GRM2: variants seen among roughly 807,000 people sequenced by gnomAD.
The protein encoded by GRM2 is glutamate metabotropic receptor 2, also known as metabotropic glutamate receptor 2.
Under a neutral mutation model 60.4 loss-of-function variants are expected in GRM2, and 35 were observed. The ratio of observed to expected loss-of-function variants is 0.58; its 90% CI spans 0.44 to 0.77. The LOEUF is 0.77. Among genes scored for constraint, GRM2 ranks in the 30% least tolerant of loss-of-function variants. The pLI is 0.00. For missense variants in GRM2, 925 were observed against 1,199.5 expected (o/e 0.77, Z 3.38); for synonymous variants, 437 against 484.1 (o/e 0.90, Z 1.28).
chr3:51,709,284 C>G lies in GRM2; in HGVS notation c.301C>G (p.Gln101Glu), dbSNP rs1214262858. 6.2e-7 allele frequency: 1 copy of G among 1,604,522 alleles called. No individual in the cohort carries two copies. Among genetic ancestry groups the G allele is most frequent in the African/African-American group, 1.3e-5 (1 of 74,782 alleles). ...SCSKDTHALEQALDFVRASLS... is the reference protein window; with the variant it reads ...SCSKDTHALEEALDFVRASLS... ...CTCCAAGGACACACATGCGCTGGAGCAGGCACTGGACTTTGTGCGTGCCTC... is the reference window on the plus strand; with the variant it reads ...CTCCAAGGACACACATGCGCTGGAGGAGGCACTGGACTTTGTGCGTGCCTC... The change falls in exon 2 of 6, where the codon CAG becomes GAG. Residue 101 changes from glutamine to glutamate, a missense_variant. Gln to Glu is a conservative substitution (Grantham distance 29). Coordinates refer to ENST00000395052, the MANE Select transcript of GRM2 (RefSeq NM_000839.5).
rs571757645 is a variant in GRM2 at position 51,717,037 on chromosome 3, C to T, written c.2365-600C>T. Among the ~76,000 whole-genome samples the T allele has an allele frequency of 2.8e-4, 42 of 152,146 alleles. No homozygotes were observed. Among genetic ancestry groups the T allele is most frequent in the African/African-American group, 1.0e-3 (42 of 41,486 alleles). On this transcript the variant is annotated intron_variant, in intron 4 of 5. Coordinates refer to ENST00000395052, the MANE Select transcript of GRM2 (RefSeq NM_000839.5). The surrounding 1 kb of genome is among the most constrained non-coding windows in gnomAD (Gnocchi z 6.0). Reference sequence around the variant, plus strand: ...AGGGATTCTGCTCTGACTCAGCCTGCATTTGCATATGATTTGCATTTGCAT... The same window carrying T: ...AGGGATTCTGCTCTGACTCAGCCTGTATTTGCATATGATTTGCATTTGCAT...
Position 51,713,180 on chromosome 3 carries a change from C to A in GRM2, c.1158C>A (p.Tyr386Ter), listed in dbSNP as rs144377567. The A allele has an allele frequency of 1.9e-6, 3 of 1,613,170 alleles. No homozygotes were observed. Among genetic ancestry groups the A allele is most frequent in the East Asian group, 2.2e-5 (1 of 44,890 alleles). ...SKIMFVVNAVYAMAHALHNMH... is the reference protein window; with the variant it reads ...SKIMFVVNAV The stretch of plus-strand genomic sequence containing the variant: ...TCATGTTTGTGGTCAATGCAGTGTA[C>A]GCCATGGCCCATGCGCTCCACAACA... The change falls in exon 3 of 6, where the codon TAC becomes TAA. Residue 386 changes from tyrosine to a stop codon, truncating the protein, a stop_gained. Coordinates refer to ENST00000395052, the MANE Select transcript of GRM2 (RefSeq NM_000839.5). LOFTEE classifies it high-confidence loss of function. This position sits in a 1 kb window ranked among gnomAD's most constrained non-coding sequence, Gnocchi z 4.8.
Position 51,709,095 on chromosome 3 carries a change from T to C in GRM2, c.112T>C (p.Phe38Leu). The C allele has an allele frequency of 6.2e-7, 1 of 1,610,610 alleles. No individual in the cohort carries two copies. The highest frequency in any genetic ancestry group is 8.5e-7 in the Non-Finnish European group (1 of 1,177,686). The change falls in exon 2 of 6, where the codon TTC becomes CTC. Residue 38 changes from phenylalanine (F) to leucine (L), a missense_variant. Phe to Leu is a conservative substitution (Grantham distance 22). Coordinates refer to ENST00000395052, the MANE Select transcript of GRM2 (RefSeq NM_000839.5). ...LEGDLVLGGL[F>L]PVHQKGGPAE... ...GGGAGACTTGGTGCTGGGTGGGCTGTTCCCAGTGCACCAGAAGGGCGGCCC... is the reference window on the plus strand; with the variant it reads ...GGGAGACTTGGTGCTGGGTGGGCTGCTCCCAGTGCACCAGAAGGGCGGCCC...
intron 2 of GRM2, among the ~76,000 whole-genome samples, chr3:51,711,954 G>A (rs1703724379): frequency 6.6e-6 from 1 of 152,240 alleles, no homozygotes; most frequent in South Asian, 2.1e-4. Context: ...GCATTCAATG[G>A]AGACCAAGCC....
rs755306821 is a variant in GRM2, at chr3:51,712,762, G to A, written c.740G>A (p.Arg247His). ...TSEKVGRAMS[R>H]AAFEGVVRAL... ...GAGAAAGTGGGCCGTGCCATGAGCC[G>A]CGCGGCCTTTGAGGGTGTGGTGCGA... is the stretch of plus-strand genomic sequence containing the variant. Residue 247 changes from arginine to histidine, a missense_variant, in exon 3 of 6, where the codon CGC becomes CAC. Transcript: ENST00000395052. The surrounding 1 kb of genome is among the most constrained non-coding windows in gnomAD (Gnocchi z 5.3). 2.3e-5 allele frequency: 37 copies of A among 1,613,256 alleles called. No homozygotes were observed. Among genetic ancestry groups the A allele is most frequent in the Admixed American group, 1.3e-4 (8 of 60,000 alleles).
Position 51,715,341 on chromosome 3 carries a change from T to G in GRM2, c.1568T>G (p.Ile523Ser). The change falls in exon 4 of 6, where the codon ATT becomes AGT. Residue 523 changes from isoleucine (I) to serine (S), a missense_variant. Ile to Ser is a moderately radical substitution (Grantham distance 142). Coordinates refer to ENST00000395052, the MANE Select transcript of GRM2 (RefSeq NM_000839.5). This position sits in a 1 kb window ranked among gnomAD's most constrained non-coding sequence, Gnocchi z 9.0. ...GGCGAAGTCTGCTGCTGGCTCTGCATTCCGTGCCAGCCCTATGAGTACCGA... is the reference window on the plus strand; with the variant it reads ...GGCGAAGTCTGCTGCTGGCTCTGCAGTCCGTGCCAGCCCTATGAGTACCGA... ...QPGEVCCWLC[I>S]PCQPYEYRLD... 1 of 1,613,860 alleles carries G rather than the reference T, an allele frequency of 6.2e-7. No individual in the cohort carries two copies. Among genetic ancestry groups the G allele is most frequent in the South Asian group, 1.1e-5 (1 of 91,066 alleles).
At position 51,717,943 on chromosome 3, in the gene GRM2, G is replaced by C. The variant is rs1559698714; in HGVS notation, c.2546-96G>C. ...ACACTGGCAGGAGAGGACAGGAGAGGGGAGGGGAGGCTTCCCTCACAGCCC... is the reference window on the plus strand; with the variant it reads ...ACACTGGCAGGAGAGGACAGGAGAGCGGAGGGGAGGCTTCCCTCACAGCCC... On this transcript the variant is annotated intron_variant, in intron 5 of 5. Transcript: ENST00000395052. This position sits in a 1 kb window ranked among gnomAD's most constrained non-coding sequence, Gnocchi z 6.0. 20 of 1,432,644 alleles carry C rather than the reference G, an allele frequency of 1.4e-5. No individual in the cohort carries two copies. Among genetic ancestry groups the C allele is most frequent in the Non-Finnish European group, 1.9e-5 (19 of 1,014,988 alleles). 88.7% of individuals were successfully genotyped at this position (1,432,644 alleles called of 1,614,324 possible). A position where few individuals can be genotyped will look rare whatever the true frequency, so the allele number is the denominator to read the frequency against.
chr3:51,712,517 C>G lies in GRM2; in HGVS notation c.495C>G (p.Tyr165Ter). ...TATTTCAGATCCCACAGATTAGCTA[C>G]GCCTCTACCAGTGCCAAGCTGAGTG... ...LRLFQIPQIS[Y>*]ASTSAKLSDK... Residue 165 changes from tyrosine (Y) to a stop codon, truncating the protein, a stop_gained, in exon 3 of 6, where the codon TAC becomes TAG. Transcript: ENST00000395052. LOFTEE classifies it high-confidence loss of function. This position sits in a 1 kb window ranked among gnomAD's most constrained non-coding sequence, Gnocchi z 5.3. 6.2e-7 allele frequency: 1 copy of G among 1,614,048 alleles called. No individual in the cohort carries two copies. The highest frequency in any genetic ancestry group is 8.5e-7 in the Non-Finnish European group (1 of 1,179,972).
At position 51,718,200 on chromosome 3, in the gene GRM2, C is replaced by G. The variant is rs1703973933; in HGVS notation, c.*88C>G. 9.1e-7 allele frequency: 1 copy of G among 1,097,538 alleles called. No individual in the cohort carries two copies. Among genetic ancestry groups the G allele is most frequent in the Non-Finnish European group, 1.4e-6 (1 of 708,514 alleles). 68.0% of individuals were successfully genotyped at this position (1,097,538 alleles called of 1,614,324 possible). A position where few individuals can be genotyped will look rare whatever the true frequency, so the allele number is the denominator to read the frequency against. ...GGCCAGGAGGAAGTTGGCTGGAGCA[C>G]TGCAATAATTTATTACCCACCCTAT... On this transcript the variant is annotated 3_prime_UTR_variant, in exon 6 of 6. Coordinates refer to ENST00000395052, the MANE Select transcript of GRM2 (RefSeq NM_000839.5). This position sits in a 1 kb window ranked among gnomAD's most constrained non-coding sequence, Gnocchi z 4.2.
intron 2 of GRM2, among the ~76,000 whole-genome samples, chr3:51,709,650 CCACA>C (rs1221725746): frequency 9.4e-5 from 11 of 116,824 alleles, no homozygotes; most frequent in Admixed American, 6.0e-4. Context: ...CTCATTACTC[CCACA>C]CACACACACA....
In GRM2 at chr3:51,716,970, C is replaced by T. The variant is rs1027813947; in HGVS notation, c.2365-667C>T. 6.6e-6 allele frequency among the ~76,000 whole-genome samples: 1 copy of T among 152,174 alleles called. No homozygotes were observed. The highest frequency in any genetic ancestry group is 2.4e-5 in the African/African-American group (1 of 41,434). ...CTGGGCTTGGCTGCTCTGCTTGCAC[C>T]TGCTGGGCCACCTGCTTGGGTGGTA... On this transcript the variant is annotated intron_variant, in intron 4 of 5. Coordinates refer to ENST00000395052, the MANE Select transcript of GRM2 (RefSeq NM_000839.5). This position sits in a 1 kb window ranked among gnomAD's most constrained non-coding sequence, Gnocchi z 4.0.
In GRM2 at chr3:51,715,887, C is replaced by G; in HGVS notation, c.2114C>G (p.Thr705Arg). ...TGGCTGGTGGTGGAGGCACCGGGCACAGGCAAGGAGACAGCCCCCGAACGG... is the reference window on the plus strand; with the variant it reads ...TGGCTGGTGGTGGAGGCACCGGGCAGAGGCAAGGAGACAGCCCCCGAACGG... ...VAWLVVEAPG[T>R]GKETAPERRE... The change falls in exon 4 of 6, where the codon ACA (threonine) becomes AGA (arginine). Residue 705 changes from threonine (T) to arginine (R), a missense_variant. Physicochemically the swap from Thr to Arg is moderately conservative, Grantham distance 71 (BLOSUM62 -1). Transcript: ENST00000395052. The surrounding 1 kb of genome is among the most constrained non-coding windows in gnomAD (Gnocchi z 9.0). The G allele has an allele frequency of 6.2e-7, 1 of 1,613,444 alleles. No individual in the cohort carries two copies. Among genetic ancestry groups the G allele is most frequent in the Non-Finnish European group, 8.5e-7 (1 of 1,179,914 alleles).
In GRM2 at chr3:51,717,241, T is replaced by C. The variant is rs1182725699; in HGVS notation, c.2365-396T>C. On this transcript the variant is annotated intron_variant, in intron 4 of 5. Transcript: ENST00000395052. This position sits in a 1 kb window ranked among gnomAD's most constrained non-coding sequence, Gnocchi z 6.0. ...TATATCTTCCTGACAAATGAATCCA[T>C]ACCCATGCACCCTACACTCACGCAC... 6.6e-6 allele frequency among the ~76,000 whole-genome samples: 1 copy of C among 151,776 alleles called. No individual in the cohort carries two copies. The highest frequency in any genetic ancestry group is 1.5e-5 in the Non-Finnish European group (1 of 67,934).
At chr3:51,709,694 C>CA (rs113014203) in intron 2 of GRM2, among the ~76,000 whole-genome samples, 2 of 13,138 alleles carry the variant, frequency 1.5e-4, no homozygotes, top group African/African-American at 5.7e-4. Flanking sequence ...ACCCCACACA[C>CA]CCTCACACAC....
Position 51,715,552 on chromosome 3 carries a change from T to G in GRM2, c.1779T>G (p.Asn593Lys), listed in dbSNP as rs745779468. ...TGCTGGGTGTCTTTGTGCGGCACAA[T>G]GCCACACCAGTGGTCAAGGCCTCAG... ...LFVLGVFVRHNATPVVKASGR... is the reference protein window; with the variant it reads ...LFVLGVFVRHKATPVVKASGR... The change falls in exon 4 of 6, where the codon AAT (asparagine) becomes AAG (lysine). Residue 593 changes from asparagine to lysine, a missense_variant. Coordinates refer to ENST00000395052, the MANE Select transcript of GRM2 (RefSeq NM_000839.5). The surrounding 1 kb of genome is among the most constrained non-coding windows in gnomAD (Gnocchi z 9.0). 6.2e-7 allele frequency: 1 copy of G among 1,613,990 alleles called. No homozygotes were observed. Among genetic ancestry groups the G allele is most frequent in the Non-Finnish European group, 8.5e-7 (1 of 1,180,038 alleles).
At position 51,708,789 on chromosome 3, in the gene GRM2, A is replaced by C. The variant is rs111445314; in HGVS notation, c.-136-59A>C. The C allele has an allele frequency of 2.3e-3, 1,236 of 528,418 alleles. 8 individuals are homozygous for C. The highest frequency in any genetic ancestry group is 0.021 in the African/African-American group (1,105 of 52,960). The allele number at this position is 528,418 out of a possible 1,614,324, so 32.7% of individuals were successfully genotyped here. A position where few individuals can be genotyped will look rare whatever the true frequency, so the allele number is the denominator to read the frequency against. ...GTGGGGAGGCAGAGTCAGAAGGGGCAGCTGCTCTCAGGTTCCACTTTTCCT... is the reference window on the plus strand; with the variant it reads ...GTGGGGAGGCAGAGTCAGAAGGGGCCGCTGCTCTCAGGTTCCACTTTTCCT... On this transcript the variant is annotated intron_variant, in intron 1 of 5. Coordinates refer to ENST00000395052, the MANE Select transcript of GRM2 (RefSeq NM_000839.5).
Position 51,715,397 on chromosome 3 carries a change from C to T in GRM2, c.1624C>T (p.Leu542=), listed in dbSNP as rs1236901309. ...LDEFTCADCG[L]GYWPNASLTG... ...CGAATTCACTTGCGCTGATTGTGGCCTGGGCTACTGGCCCAATGCCAGCCT... is the reference window on the plus strand; with the variant it reads ...CGAATTCACTTGCGCTGATTGTGGCTTGGGCTACTGGCCCAATGCCAGCCT... The change falls in exon 4 of 6, where the codon CTG becomes TTG. Residue 542 remains leucine, a synonymous_variant. Coordinates refer to ENST00000395052, the MANE Select transcript of GRM2 (RefSeq NM_000839.5). The surrounding 1 kb of genome is among the most constrained non-coding windows in gnomAD (Gnocchi z 9.0). 2.5e-6 allele frequency: 4 copies of T among 1,613,610 alleles called. No individual in the cohort carries two copies. The highest frequency in any genetic ancestry group is 3.4e-6 in the Non-Finnish European group (4 of 1,180,024).
chr3:51,715,748 C>T lies in GRM2; in HGVS notation c.1975C>T (p.Arg659Cys), dbSNP rs754332134. ...ALLTKTNRIA[R>C]IFGGAREGAQ... ...GCTCACCAAGACCAACCGCATTGCA[C>T]GCATCTTCGGTGGGGCCCGGGAGGG... Residue 659 changes from arginine to cysteine, a missense_variant, in exon 4 of 6, where the codon CGC becomes TGC. Transcript: ENST00000395052. This position sits in a 1 kb window ranked among gnomAD's most constrained non-coding sequence, Gnocchi z 9.0. 4 of 1,614,008 alleles carry T rather than the reference C, an allele frequency of 2.5e-6. No homozygotes were observed. The highest frequency in any genetic ancestry group is 2.2e-5 in the South Asian group (2 of 91,074).
rs151188856 is a variant in GRM2, at chr3:51,715,946, G to A, written c.2173G>A (p.Asp725Asn). The change falls in exon 4 of 6, where the codon GAT (aspartate) becomes AAT (asparagine). Residue 725 changes from aspartate (D) to asparagine (N), a missense_variant. Coordinates refer to ENST00000395052, the MANE Select transcript of GRM2 (RefSeq NM_000839.5). This position sits in a 1 kb window ranked among gnomAD's most constrained non-coding sequence, Gnocchi z 9.0. The stretch of plus-strand genomic sequence containing the variant: ...GGTGACACTGCGCTGCAACCACCGC[G>A]ATGCAAGTATGTTGGGCTCGCTGGC... ...EVVTLRCNHRDASMLGSLAYN... is the reference protein window; with the variant it reads ...EVVTLRCNHRNASMLGSLAYN... 23 of 1,613,962 alleles carry A rather than the reference G, an allele frequency of 1.4e-5. No individual in the cohort carries two copies. The highest frequency in any genetic ancestry group is 2.2e-5 in the South Asian group (2 of 91,088).
Sources: allele counts gnomAD v4.1 joint callset (sites outside exome capture counted in the v4.1 genomes callset), GRCh38; gene constraint gnomAD v4.1.1; non-coding constraint Gnocchi (gnomAD v3.1); transcripts MANE v1.5; gene names NCBI Gene and HGNC (gene_info 2026-07-23, HGNC 2026-07-21).